The following SDHAF3 variants were observed in gnomAD, a reference collection of about 807,000 sequenced individuals.
SDHAF3 encodes succinate dehydrogenase assembly factor 3, mitochondrial.
Under a neutral mutation model 11.5 loss-of-function variants are expected in SDHAF3, and 18 were observed. That is an observed-to-expected ratio of 1.56 (90% confidence interval 1.08 to 2.32). SDHAF3 has a LOEUF of 2.32. SDHAF3 is among the 30% of genes most tolerant of loss of function. The probability of loss-of-function intolerance (pLI) is 0.00; values close to 1 mark genes in which losing one functional copy is unlikely to be tolerated. For missense variants in SDHAF3, 200 were observed against 154.4 expected, an observed-to-expected ratio of 1.30 and a Z score of -1.57; for synonymous variants, 72 against 59.3, an observed-to-expected ratio of 1.21 and a Z score of -0.99.
intron 1 of SDHAF3, among the ~76,000 whole-genome samples, chr7:97,119,178 T>C (rs1432320541): frequency 6.6e-6 from 1 of 152,236 alleles, no homozygotes; most frequent in African/African-American, 2.4e-5. Context: ...CTAATTGTTA[T>C]GAAGCTATAA....
At chr7:97,133,145 A>G (rs568306265) in intron 1 of SDHAF3, among the ~76,000 whole-genome samples, 12 of 152,298 alleles carry the variant, frequency 7.9e-5, no homozygotes, top group Non-Finnish European at 1.6e-4. Context: ...GTGAATTTTA[A>G]GAAACACCGA....
chr7:97,143,372 G>A (rs1322719309), intron 1 of SDHAF3, among the ~76,000 whole-genome samples: 4 of 151,774 alleles, frequency 2.6e-5, no homozygotes, highest in Admixed American at 6.6e-5. Flanking sequence ...GTTCTTTAGC[G>A]GTGATTTGTC....
chr7:97,118,044 A>G, intron 1 of SDHAF3, 147 bp downstream of exon 1: 1 of 1,001,894 alleles, frequency 1.0e-6, no homozygotes, highest in South Asian at 1.9e-5. Context: ...ACACTTTCCA[A>G]AGTTTCTCCC....
intron 1 of SDHAF3, among the ~76,000 whole-genome samples, chr7:97,127,699 T>G (rs1346725903): frequency 6.6e-6 from 1 of 152,136 alleles, no homozygotes; most frequent in Non-Finnish European, 1.5e-5. Flanking sequence ...ATTTATAGTT[T>G]TAGCTTGCAG....
At chr7:97,162,202 T>A (rs753530082) in intron 1 of SDHAF3, among the ~76,000 whole-genome samples, 13 of 152,178 alleles carry the variant, frequency 8.5e-5, no homozygotes, top group African/African-American at 1.4e-4. Context: ...GAGCTTTTTT[T>A]CATATGTTGG....
At chr7:97,154,610 G>C (rs1285073104) in intron 1 of SDHAF3, among the ~76,000 whole-genome samples, 1 of 151,960 alleles carries the variant, frequency 6.6e-6, no homozygotes, top group Admixed American at 6.6e-5. Context: ...CTTTTTCAGA[G>C]CAGAAGTTTT....
intron 1 of SDHAF3, among the ~76,000 whole-genome samples, chr7:97,125,427 C>G (rs1380103600): frequency 6.6e-6 from 1 of 152,182 alleles, no homozygotes; most frequent in East Asian, 1.9e-4. Context: ...TACATTGTCT[C>G]TTTGTTCTCA....
intron 1 of SDHAF3, among the ~76,000 whole-genome samples, chr7:97,127,706 G>T (rs534456759): frequency 6.6e-6 from 1 of 152,048 alleles, no homozygotes; most frequent in Non-Finnish European, 1.5e-5. Flanking sequence ...GTTTTAGCTT[G>T]CAGGAGAAAA....
At chr7:97,126,644 C>A (rs2115625187) in intron 1 of SDHAF3, among the ~76,000 whole-genome samples, 1 of 152,174 alleles carries the variant, frequency 6.6e-6, no homozygotes, top group Non-Finnish European at 1.5e-5. Flanking sequence ...AGATGCCCCT[C>A]CCCCCACCAA....
At chr7:97,158,478 C>T (rs1789341758) in intron 1 of SDHAF3, among the ~76,000 whole-genome samples, 1 of 152,096 alleles carries the variant, frequency 6.6e-6, no homozygotes, top group Non-Finnish European at 1.5e-5. Flanking sequence ...CAGGTGCCTG[C>T]CACCACGCTA....
At chr7:97,151,893 G>T (rs1320073846) in intron 1 of SDHAF3, among the ~76,000 whole-genome samples, 1 of 152,022 alleles carries the variant, frequency 6.6e-6, no homozygotes, top group Non-Finnish European at 1.5e-5. Flanking sequence ...TGCATCCACT[G>T]GTTCCCTGCT....
chr7:97,145,888 C>T (rs547168159), intron 1 of SDHAF3, among the ~76,000 whole-genome samples: 51 of 152,200 alleles, frequency 3.4e-4, no homozygotes, highest in South Asian at 3.3e-3. Flanking sequence ...TCTTCGTTTT[C>T]GGGATTTCCC....
chr7:97,132,351 C>T (rs940684719), intron 1 of SDHAF3, among the ~76,000 whole-genome samples: 2 of 152,048 alleles, frequency 1.3e-5, no homozygotes, highest in East Asian at 1.9e-4. Context: ...AAAATCTAAA[C>T]GTGTAGATTC....
chr7:97,134,082 C>A (rs1791710800), intron 1 of SDHAF3, among the ~76,000 whole-genome samples: 1 of 152,176 alleles, frequency 6.6e-6, no homozygotes, highest in South Asian at 2.1e-4. Context: ...ACTTTTCATG[C>A]AGCTGACTCC....
intron 1 of SDHAF3, among the ~76,000 whole-genome samples, chr7:97,129,353 G>A (rs563379564): frequency 2.6e-4 from 39 of 152,170 alleles, no homozygotes; most frequent in African/African-American, 9.1e-4. Flanking sequence ...GTTTGTATTC[G>A]GAACTGTGGC....
intron 1 of SDHAF3, among the ~76,000 whole-genome samples, chr7:97,165,965 A>G (rs928095718): frequency 2.0e-5 from 3 of 152,218 alleles, no homozygotes; most frequent in Non-Finnish European, 4.4e-5. Context: ...GCTATAAAAA[A>G]ACTTTGTACA....
At chr7:97,163,198 G>A (rs1482278229) in intron 1 of SDHAF3, among the ~76,000 whole-genome samples, 4 of 108,078 alleles carry the variant, frequency 3.7e-5, no homozygotes, top group African/African-American at 1.4e-4. Flanking sequence ...AATTTTTAGT[G>A]CAGTGAAATC....
At position 97,139,845 on chromosome 7, in the gene SDHAF3, C is replaced by T. The variant is rs187834968; in HGVS notation, c.174+21948C>T. Among the ~76,000 whole-genome samples, 110 of 152,308 alleles carry T rather than the reference C, an allele frequency of 7.2e-4. 1 individual carries two copies. Among genetic ancestry groups the T allele is most frequent in the Middle Eastern group, 6.8e-3 (2 of 294 alleles). The stretch of plus-strand genomic sequence containing the variant: ...AAATCCTGTTGACTGTTTTCTTTTA[C>T]GGTATCAGAACTCTGACCTATTCTC... On this transcript the variant is annotated intron_variant, in intron 1 of 1. Coordinates refer to ENST00000432641, the MANE Select transcript of SDHAF3 (RefSeq NM_020186.3).
intron 1 of SDHAF3, among the ~76,000 whole-genome samples, chr7:97,167,181 G>A (rs1295808250): frequency 6.6e-6 from 1 of 152,102 alleles, no homozygotes. Context: ...GGCCTGGTGG[G>A]AGGTGACTGG....
Sources: allele counts gnomAD v4.1 joint callset (sites outside exome capture counted in the v4.1 genomes callset), GRCh38; gene constraint gnomAD v4.1.1; transcripts MANE v1.5; gene names NCBI Gene and HGNC (gene_info 2026-07-23, HGNC 2026-07-21).